The following FTO variants were observed in gnomAD, a reference collection of about 807,000 sequenced individuals.
FTO encodes the protein FTO alpha-ketoglutarate dependent dioxygenase, also known as alpha-ketoglutarate-dependent dioxygenase FTO.
FTO carries 47 observed loss-of-function variants against 63.9 expected under a neutral mutation model. That is an observed-to-expected ratio of 0.74 (90% CI 0.58 to 0.94). FTO has a LOEUF of 0.94. Among genes scored for constraint, FTO ranks in the 40% least tolerant of loss-of-function variants. The pLI, the probability that FTO is intolerant of heterozygous loss-of-function variation, is 0.00. For missense variants in FTO, 562 were observed against 618.1 expected (o/e 0.91, Z 0.96); for synonymous variants, 207 against 224.4 (o/e 0.92, Z 0.69).
intron 1 of FTO, among the ~76,000 whole-genome samples, chr16:53,716,988 T>G (rs913071007): frequency 5.9e-5 from 9 of 151,566 alleles, no homozygotes; most frequent in Non-Finnish European, 7.4e-5. Context: ...CTTGCATATT[T>G]TTTACTCTGC....
intron 3 of FTO, among the ~76,000 whole-genome samples, chr16:53,835,804 T>TC (rs1207863411): frequency 1.3e-5 from 2 of 152,172 alleles, no homozygotes; most frequent in African/African-American, 4.8e-5. Flanking sequence ...CCTCTAGTTT[T>TC]CTTGTTTATT....
intron 2 of FTO, among the ~76,000 whole-genome samples, chr16:53,812,153 G>A (rs1184006931): frequency 6.6e-6 from 1 of 152,052 alleles, no homozygotes; most frequent in African/African-American, 2.4e-5. Flanking sequence ...TTACCTGTTA[G>A]TAACAGCTCA....
At chr16:54,027,072 TGA>T (rs2084729601) in intron 8 of FTO, among the ~76,000 whole-genome samples, 1 of 145,682 alleles carries the variant, frequency 6.9e-6, no homozygotes, top group African/African-American at 2.8e-5. Context: ...TATGAGAGTG[TGA>T]GAGAGAGACA....
chr16:53,825,535 C>T (rs2078980866), intron 2 of FTO, among the ~76,000 whole-genome samples: 1 of 152,126 alleles, frequency 6.6e-6, no homozygotes, highest in Non-Finnish European at 1.5e-5. Flanking sequence ...AGATAATAAG[C>T]AGTTAATAAA....
chr16:54,019,373 C>A (rs2084533975), intron 8 of FTO, among the ~76,000 whole-genome samples: 2 of 152,208 alleles, frequency 1.3e-5, no homozygotes, highest in East Asian at 1.9e-4. Context: ...TGTTGAGGCA[C>A]CAACAGTGCC....
intron 7 of FTO, chr16:53,911,347 G>A: frequency 1.4e-6 from 1 of 702,984 alleles, no homozygotes; most frequent in Non-Finnish European, 2.6e-6. Context: ...AGCAGCGAGA[G>A]AGGTGAGAAG....
chr16:53,882,082 A>G (rs908408553), intron 6 of FTO, among the ~76,000 whole-genome samples: 1 of 152,014 alleles, frequency 6.6e-6, no homozygotes, highest in African/African-American at 2.4e-5. Context: ...AAAAACCATT[A>G]AAAGAAAAAA....
At chr16:53,765,464 A>G (rs2077177617) in intron 1 of FTO, among the ~76,000 whole-genome samples, 1 of 151,602 alleles carries the variant, frequency 6.6e-6, no homozygotes, top group African/African-American at 2.4e-5. Context: ...CTGAAGCAGG[A>G]GAATCGCTTG....
At chr16:54,091,938 G>A (rs2086393454) in intron 8 of FTO, among the ~76,000 whole-genome samples, 1 of 152,332 alleles carries the variant, frequency 6.6e-6, no homozygotes, top group East Asian at 1.9e-4. Flanking sequence ...CTGGCACATA[G>A]TAGATGCTCA....
chr16:53,830,870 C>T (rs1230711858), intron 3 of FTO, among the ~76,000 whole-genome samples: 4 of 152,038 alleles, frequency 2.6e-5, no homozygotes, highest in South Asian at 2.1e-4. Flanking sequence ...TACTCCAGCC[C>T]GGGCGACAGA....
At chr16:53,818,484 A>T (rs1164711472) in intron 2 of FTO, among the ~76,000 whole-genome samples, 1 of 152,212 alleles carries the variant, frequency 6.6e-6, no homozygotes, top group East Asian at 1.9e-4. Context: ...AAAATTAAGA[A>T]TTTTTTTAGT....
intron 3 of FTO, among the ~76,000 whole-genome samples, chr16:53,826,731 A>C (rs2151777474): frequency 6.6e-6 from 1 of 152,290 alleles, no homozygotes; most frequent in South Asian, 2.1e-4. Context: ...CTGTACTCAG[A>C]ATATTTTCGC....
intron 7 of FTO, among the ~76,000 whole-genome samples, chr16:53,930,010 G>C (rs1006166679): frequency 3.3e-5 from 5 of 152,232 alleles, no homozygotes; most frequent in South Asian, 4.2e-4. Context: ...CTGTGAGGCA[G>C]TGATTCTCTC....
intron 8 of FTO, among the ~76,000 whole-genome samples, chr16:54,010,885 C>T (rs1377789428): frequency 6.6e-6 from 1 of 152,190 alleles, no homozygotes; most frequent in Admixed American, 6.5e-5. Flanking sequence ...CAACATCTTT[C>T]TCTGATTCAC....
intron 8 of FTO, chr16:53,985,005 A>G (rs2083633575): frequency 8.8e-6 from 4 of 456,182 alleles, no homozygotes; most frequent in Non-Finnish European, 1.8e-5. Context: ...TGTCCTTCCA[A>G]ATAGGTGAAG....
chr16:53,870,011 A>G (rs567847135), intron 4 of FTO, among the ~76,000 whole-genome samples: 208 of 152,254 alleles, frequency 1.4e-3, no homozygotes, highest in Middle Eastern at 6.8e-3. Flanking sequence ...GAAGCATTCT[A>G]TAATCTTATG....
At chr16:54,082,820 C>A (rs749409689) in intron 8 of FTO, among the ~76,000 whole-genome samples, 44 of 152,160 alleles carry the variant, frequency 2.9e-4, no homozygotes, top group Non-Finnish European at 4.7e-4. Flanking sequence ...TCAGAAGAAA[C>A]CCTTTAAAAA....
chr16:53,901,781 C>A (rs1043727723), intron 7 of FTO, among the ~76,000 whole-genome samples: 8 of 152,142 alleles, frequency 5.3e-5, no homozygotes, highest in African/African-American at 1.9e-4. Context: ...CTGTTATTTT[C>A]CAATGACTGG....
rs1204114101 is a variant in FTO at position 53,931,470 on chromosome 16, C to T, written c.1240-2515C>T. ...TATAGACGCCTGCCACCACACCCAG[C>T]TAATTTTCTATATTTTCAGTAGAGA... On this transcript the variant is annotated intron_variant, in intron 7 of 8. Transcript: ENST00000471389. 2.0e-5 allele frequency among the ~76,000 whole-genome samples: 3 copies of T among 152,008 alleles called. No homozygotes were observed. The East Asian group carries it at 5.8e-4, about 29-fold the overall frequency.
Sources: gnomAD v4.1 joint callset for allele counts (sites outside exome capture counted in the v4.1 genomes callset) on GRCh38, gnomAD v4.1.1 for gene constraint, MANE v1.5 for transcripts, NCBI Gene and HGNC (gene_info 2026-07-23, HGNC 2026-07-21) for gene names.